C12orf42: variants seen among roughly 807,000 people sequenced by gnomAD.
C12orf42 encodes uncharacterized protein C12orf42.
Under a neutral mutation model 21.6 loss-of-function variants are expected in C12orf42, and 25 were observed. The ratio of observed to expected loss-of-function variants is 1.16; its 90% CI spans 0.84 to 1.62. The LOEUF (loss-of-function observed/expected upper bound fraction) is 1.62, where lower values mean the gene tolerates loss of function less well. Among genes scored for constraint, C12orf42 ranks in the 40% most tolerant of loss-of-function variants. C12orf42 has a pLI of 0.00. For missense variants in C12orf42, 483 were observed against 459.3 expected, an observed-to-expected ratio of 1.05 and a Z score of -0.47; for synonymous variants, 174 against 175.0, an observed-to-expected ratio of 0.99 and a Z score of 0.05.
the C12orf42 span, among the ~76,000 whole-genome samples, chr12:103,112,575 C>T: frequency 2.0e-5 from 3 of 152,118 alleles, no homozygotes; most frequent in Non-Finnish European, 2.9e-5. Context: ...GCATGAGAAT[C>T]GCTTGAACCC....
chr12:103,450,431 C>T (rs1020727300), intron 2 of C12orf42, among the ~76,000 whole-genome samples: 8 of 152,134 alleles, frequency 5.3e-5, no homozygotes, highest in African/African-American at 1.9e-4. Context: ...TATTTTCTAT[C>T]AGTGTTCATG....
rs921481023 is a variant in C12orf42, at chr12:103,306,347, T to C, written c.260-2A>G. ...AATTTTGAGTCCTTTCTGGAAATAC[T>C]GTGAAAGGTAAATACATTCGTTTGA... is the stretch of plus-strand genomic sequence containing the variant. On this transcript the variant is annotated splice_acceptor_variant, in intron 4 of 5. Transcript: ENST00000548883. LOFTEE classifies it high-confidence loss of function. 1.9e-6 allele frequency: 3 copies of C among 1,596,036 alleles called. No individual in the cohort carries two copies. Among genetic ancestry groups the C allele is most frequent in the Non-Finnish European group, 2.6e-6 (3 of 1,171,122 alleles).
the C12orf42 span, among the ~76,000 whole-genome samples, chr12:103,053,629 A>T: frequency 6.6e-6 from 1 of 151,976 alleles, no homozygotes; most frequent in Admixed American, 6.6e-5. Context: ...ACTTTTTAAA[A>T]AACTGAATTG....
the C12orf42 span, among the ~76,000 whole-genome samples, chr12:103,514,244 C>A: frequency 4.6e-5 from 7 of 152,176 alleles, no homozygotes; most frequent in African/African-American, 1.7e-4. Context: ...TCTACCTGGT[C>A]CTTCCCACAA....
intron 1 of C12orf42, among the ~76,000 whole-genome samples, chr12:103,487,843 G>A (rs1263418442): frequency 6.6e-6 from 1 of 152,094 alleles, no homozygotes; most frequent in East Asian, 1.9e-4. Context: ...TTGAGCCTAT[G>A]TGTGTCTCTG....
intron 1 of C12orf42, among the ~76,000 whole-genome samples, chr12:103,487,734 T>G (rs951094632): frequency 6.6e-6 from 1 of 152,218 alleles, no homozygotes; most frequent in Non-Finnish European, 1.5e-5. Context: ...TCTTTTGATC[T>G]TTGTTGGTTT....
chr12:103,511,662 T>C, the C12orf42 span, among the ~76,000 whole-genome samples: 1 of 152,070 alleles, frequency 6.6e-6, no homozygotes, highest in Admixed American at 6.6e-5. Flanking sequence ...TGTTAGTGCA[T>C]CTTGAAAAAA....
intron 2 of C12orf42, among the ~76,000 whole-genome samples, chr12:103,444,845 A>T (rs1951481119): frequency 6.6e-6 from 1 of 152,018 alleles, no homozygotes; most frequent in African/African-American, 2.4e-5. Context: ...TCTTTTCTTT[A>T]AATGTCTTTT....
the C12orf42 span, among the ~76,000 whole-genome samples, chr12:103,095,849 A>C: frequency 1.3e-5 from 2 of 152,142 alleles, no homozygotes; most frequent in African/African-American, 2.4e-5. Flanking sequence ...TCCTGATGTG[A>C]GGTCTCTAAA....
chr12:103,390,020 G>A (rs1382095186), intron 3 of C12orf42, among the ~76,000 whole-genome samples: 1 of 151,992 alleles, frequency 6.6e-6, no homozygotes, highest in Non-Finnish European at 1.5e-5. Flanking sequence ...ATTTTGCTAG[G>A]TACACAACAC....
the C12orf42 span, among the ~76,000 whole-genome samples, chr12:103,128,557 G>A: frequency 1.3e-5 from 2 of 152,120 alleles, no homozygotes; most frequent in South Asian, 4.1e-4. Flanking sequence ...AATATTTCTT[G>A]TGTCTTACTG....
At chr12:103,425,858 G>C (rs549696118) in intron 2 of C12orf42, among the ~76,000 whole-genome samples, 52 of 152,066 alleles carry the variant, frequency 3.4e-4, no homozygotes, top group African/African-American at 1.3e-3. Context: ...GAGCTGTGGT[G>C]GACTCCGTCC....
the C12orf42 span, among the ~76,000 whole-genome samples, chr12:103,225,897 C>T: frequency 1.3e-5 from 2 of 152,226 alleles, no homozygotes; most frequent in Admixed American, 6.5e-5. Context: ...GCTCGGCGTC[C>T]GTGTTGGTCT....
chr12:103,342,074 A>G (rs2042218022), intron 4 of C12orf42, among the ~76,000 whole-genome samples: 1 of 152,184 alleles, frequency 6.6e-6, no homozygotes, highest in Non-Finnish European at 1.5e-5. Flanking sequence ...AGATAGATAG[A>G]CAGATAAAAT....
At chr12:103,524,995 T>C in the C12orf42 span, among the ~76,000 whole-genome samples, 2 of 151,624 alleles carry the variant, frequency 1.3e-5, no homozygotes, top group South Asian at 2.1e-4. Flanking sequence ...TCTGGGGAGA[T>C]TTTTTTGTTT....
At chr12:103,488,423 T>C (rs1954978487) in intron 1 of C12orf42, among the ~76,000 whole-genome samples, 1 of 152,198 alleles carries the variant, frequency 6.6e-6, no homozygotes, top group South Asian at 2.1e-4. Context: ...CTGACAATTG[T>C]GTGTCTTGGG....
At chr12:103,179,278 GAC>G in the C12orf42 span, among the ~76,000 whole-genome samples, 1 of 152,232 alleles carries the variant, frequency 6.6e-6, no homozygotes, top group African/African-American at 2.4e-5. Flanking sequence ...GTGGGAGACA[GAC>G]ATGTTTTAAA....
the C12orf42 span, among the ~76,000 whole-genome samples, chr12:103,135,230 G>C: frequency 0.036 from 5,412 of 152,184 alleles, 191 homozygotes; most frequent in African/African-American, 0.095. Flanking sequence ...AGACGCAGGT[G>C]GATCACTGGA....
intron 4 of C12orf42, among the ~76,000 whole-genome samples, chr12:103,363,469 C>A (rs1334784912): frequency 6.6e-6 from 1 of 151,976 alleles, no homozygotes; most frequent in East Asian, 1.9e-4. Flanking sequence ...ATGAATAGCA[C>A]AATTAATGGA....
Sources: gnomAD v4.1 joint callset for allele counts (sites outside exome capture counted in the v4.1 genomes callset) on GRCh38, gnomAD v4.1.1 for gene constraint, MANE v1.5 for transcripts, NCBI Gene and HGNC (gene_info 2026-07-23, HGNC 2026-07-21) for gene names.